Variants in TINAGL1 observed in about 807,000 individuals in gnomAD.
TINAGL1 encodes the protein tubulointerstitial nephritis antigen like 1, also known as tubulointerstitial nephritis antigen-like.
A neutral mutation model predicts 62.0 loss-of-function variants in TINAGL1; 34 were observed. The observed-to-expected ratio is 0.55, with a 90% CI of 0.42 to 0.73. The LOEUF is 0.73. Ranked by LOEUF, TINAGL1 falls within the 30% of genes least tolerant of loss-of-function variation. The probability of loss-of-function intolerance (pLI) is 0.00; values close to 1 mark genes in which losing one functional copy is unlikely to be tolerated. For missense variants in TINAGL1, 516 were observed against 653.2 expected, an observed-to-expected ratio of 0.79 and a Z score of 2.29; for synonymous variants, 221 against 249.7, an observed-to-expected ratio of 0.88 and a Z score of 1.08.
chr1:31,585,720 C>T lies in TINAGL1; in HGVS notation c.1094-33C>T. On this transcript the variant is annotated intron_variant, in intron 9 of 11. Transcript: ENST00000271064. The surrounding 1 kb of genome is among the most constrained non-coding windows in gnomAD (Gnocchi z 4.3). ...AGGCTCCAGTGCCTGTGCCAACGGG[C>T]TGAGTGGACCCTACCTTGACATCTG... 1 of 1,602,482 alleles carries T rather than the reference C, an allele frequency of 6.2e-7. No individual in the cohort carries two copies. The highest frequency in any genetic ancestry group is 8.5e-7 in the Non-Finnish European group (1 of 1,174,088).
rs150145316 is a variant in TINAGL1, at chr1:31,577,430, C to T, written c.282C>T (p.Gly94=). Residue 94 remains glycine, a synonymous_variant, in exon 2 of 12, where the codon GGC becomes GGT. Coordinates refer to ENST00000271064, the MANE Select transcript of TINAGL1 (RefSeq NM_022164.3). The surrounding 1 kb of genome is among the most constrained non-coding windows in gnomAD (Gnocchi z 5.4). The stretch of plus-strand genomic sequence containing the variant: ...CTGACTTCTGGGACTTCTGCCTCGG[C>T]GTGCCACCCCCTTTTCCCCCGATCC... ...CCPDFWDFCL[G]VPPPFPPIQG... 1.4e-5 allele frequency: 22 copies of T among 1,612,734 alleles called. No individual in the cohort carries two copies. Among genetic ancestry groups the T allele is most frequent in the South Asian group, 9.9e-5 (9 of 90,960 alleles).
rs1638967509 is a variant in TINAGL1, at chr1:31,576,750, C to T, written c.-16+155C>T. On this transcript the variant is annotated intron_variant, in intron 1 of 11. Transcript: ENST00000271064. The surrounding 1 kb of genome is among the most constrained non-coding windows in gnomAD (Gnocchi z 5.1). ...CAGAAGAGAGGTGTACCCAAAAGAC[C>T]GGGGGAGACAGGAAAGCACAAAGTC... Among the ~76,000 whole-genome samples the T allele has an allele frequency of 1.3e-5, 2 of 152,062 alleles. No homozygotes were observed. Among genetic ancestry groups the T allele is most frequent in the South Asian group, 2.1e-4 (1 of 4,830 alleles).
chr1:31,585,605 G>A lies in TINAGL1; in HGVS notation c.1093+120G>A. ...ATGTCCAGTAGGGCCAGGAGTAGGG[G>A]TCCCCCCCTCCCACAGGCAGCACCT... On this transcript the variant is annotated intron_variant, in intron 9 of 11. Coordinates refer to ENST00000271064, the MANE Select transcript of TINAGL1 (RefSeq NM_022164.3). The surrounding 1 kb of genome is among the most constrained non-coding windows in gnomAD (Gnocchi z 4.3). 4 of 1,539,008 alleles carry A rather than the reference G, an allele frequency of 2.6e-6. No homozygotes were observed. In the South Asian group the frequency reaches 3.7e-5, roughly 14 times the overall value.
Position 31,587,214 on chromosome 1 carries a change from G to C in TINAGL1, c.*235G>C, listed in dbSNP as rs1639422478. 1 of 492,788 alleles carries C rather than the reference G, an allele frequency of 2.0e-6. No individual in the cohort carries two copies. Among genetic ancestry groups the C allele is most frequent in the Non-Finnish European group, 3.1e-6 (1 of 317,790 alleles). The allele number at this position is 492,788 out of a possible 1,614,324, so 30.5% of individuals were successfully genotyped here. ...GTGGGGACGGGGCAGGGCCTGGCCT[G>C]GGAAGAGCACAGCTGCAGATCCCAG... is the stretch of plus-strand genomic sequence containing the variant. On this transcript the variant is annotated 3_prime_UTR_variant, in exon 12 of 12. Transcript: ENST00000271064.
In TINAGL1 at chr1:31,586,710, A is replaced by T; in HGVS notation, c.1218A>T (p.Gly406=). 1.3e-6 allele frequency: 2 copies of T among 1,558,298 alleles called. No homozygotes were observed. Among genetic ancestry groups the T allele is most frequent in the Non-Finnish European group, 1.7e-6 (2 of 1,150,672 alleles). The stretch of plus-strand genomic sequence containing the variant: ...TCCCCCTCCTCTGCTCTGCCCACAG[A>T]TGGGGAGAGGAGACGCTGCCAGATG... ...RHGTHSVKIT[G]WGEETLPDGR... The change falls in exon 11 of 12, where the codon GGA becomes GGT. Residue 406 remains glycine, a splice_region_variant and synonymous_variant. Transcript: ENST00000271064.
At position 31,586,697 on chromosome 1, in the gene TINAGL1, G is replaced by T; in HGVS notation, c.1218-13G>T. On this transcript the variant is annotated splice_polypyrimidine_tract_variant and intron_variant, in intron 10 of 11. Transcript: ENST00000271064. ...GACCCAGCTCCCTTCCCCCTCCTCT[G>T]CTCTGCCCACAGATGGGGAGAGGAG... The T allele has an allele frequency of 6.4e-7, 1 of 1,557,614 alleles. No individual in the cohort carries two copies.
rs1553149083 is a variant in TINAGL1, at chr1:31,580,203, C to CTCTG, written c.374+939_374+940insGTCT. On this transcript the variant is annotated intron_variant, in intron 3 of 11. Transcript: ENST00000271064. ...TCTCTCTCTCTCTCTCTCTCTCTCT[C>CTCTG]TCTCTCTCTGTCTCTCTCTCTCTGT... is the stretch of plus-strand genomic sequence containing the variant. 1.8e-3 allele frequency: 772 copies of CTCTG among 434,166 alleles called. 6 individuals carry two copies. Among genetic ancestry groups the CTCTG allele is most frequent in the Admixed American group, 0.016 (173 of 10,724 alleles). The allele number at this position is 434,166 out of a possible 1,614,324, so 26.9% of individuals were successfully genotyped here. A position where few individuals can be genotyped will look rare whatever the true frequency, so the allele number is the denominator to read the frequency against.
chr1:31,583,452 C>G lies in TINAGL1; in HGVS notation c.468-9C>G. ...GATCTGTGACTTCCTTCCGTCCCCT[C>G]TCCTTCAGCTGGCAGGCTGGGAACC... On this transcript the variant is annotated splice_polypyrimidine_tract_variant and intron_variant, in intron 4 of 11. Transcript: ENST00000271064. The surrounding 1 kb of genome is among the most constrained non-coding windows in gnomAD (Gnocchi z 4.4). The G allele has an allele frequency of 6.2e-7, 1 of 1,612,340 alleles. No homozygotes were observed. Among genetic ancestry groups the G allele is most frequent in the East Asian group, 2.2e-5 (1 of 44,840 alleles).
intron 10 of TINAGL1, 170 bp downstream of exon 10, chr1:31,586,046 T>C (rs1204511570): frequency 2.1e-6 from 2 of 974,970 alleles, no homozygotes; most frequent in Non-Finnish European, 1.4e-6. Context: ...TGGGTCGAAT[T>C]GAAGGTTGGG....
intron 3 of TINAGL1, chr1:31,580,721 G>A (rs1263854083): frequency 2.4e-6 from 3 of 1,264,630 alleles, no homozygotes; most frequent in Non-Finnish European, 3.1e-6. Flanking sequence ...TCAGCATCTT[G>A]TAATAACAGA....
Position 31,583,076 on chromosome 1 carries a change from C to T in TINAGL1, c.375-73C>T, listed in dbSNP as rs2148592654. ...GCACAGACTCCCTGGCCCATGTTAA[C>T]CTCCGAGGCCACATTCCTTCAAAGT... On this transcript the variant is annotated intron_variant, in intron 3 of 11. Transcript: ENST00000271064. This position sits in a 1 kb window ranked among gnomAD's most constrained non-coding sequence, Gnocchi z 4.4. 2.9e-6 allele frequency: 4 copies of T among 1,377,416 alleles called. No homozygotes were observed. Among genetic ancestry groups the T allele is most frequent in the Non-Finnish European group, 4.1e-6 (4 of 965,454 alleles). 85.3% of individuals were successfully genotyped at this position (1,377,416 alleles called of 1,614,324 possible).
Position 31,580,401 on chromosome 1 carries a change from T to C in TINAGL1, c.374+1134T>C, listed in dbSNP as rs1487475755. On this transcript the variant is annotated intron_variant, in intron 3 of 11. Coordinates refer to ENST00000271064, the MANE Select transcript of TINAGL1 (RefSeq NM_022164.3). ...AAGGACAGAACAGTCTACTGCCCTC[T>C]CCTCATGAAGGCTCTGGGGGCGAGG... The C allele has an allele frequency of 3.9e-6, 5 of 1,289,056 alleles. No individual in the cohort carries two copies. In the South Asian group the frequency reaches 6.2e-5, roughly 16 times the overall value. The allele number at this position is 1,289,056 out of a possible 1,614,324, so 79.9% of individuals were successfully genotyped here.
At chr1:31,580,680 G>A in intron 3 of TINAGL1, 1 of 1,287,664 alleles carries the variant, frequency 7.8e-7, no homozygotes, top group East Asian at 5.6e-5. Context: ...CATTGGAGGT[G>A]GGAGCCTTGG....
rs139194799 is a variant in TINAGL1 at position 31,585,026 on chromosome 1, C to T, written c.847C>T (p.Arg283Cys). ...GRLDGAWWFL[R>C]RRGVVSDHCY... ...TCTCGATGGTGCCTGGTGGTTCCTGCGTCGCCGAGGGTATGCAGCAACAGG... is the reference window on the plus strand; with the variant it reads ...TCTCGATGGTGCCTGGTGGTTCCTGTGTCGCCGAGGGTATGCAGCAACAGG... The change falls in exon 7 of 12, where the codon CGT (arginine) becomes TGT (cysteine). Residue 283 changes from arginine to cysteine, a missense_variant. Transcript: ENST00000271064. This position sits in a 1 kb window ranked among gnomAD's most constrained non-coding sequence, Gnocchi z 4.3. The T allele has an allele frequency of 5.6e-6, 9 of 1,598,646 alleles. No individual in the cohort carries two copies. Among genetic ancestry groups the T allele is most frequent in the Admixed American group, 3.4e-5 (2 of 58,646 alleles).
In TINAGL1 at chr1:31,584,430, T is replaced by C; in HGVS notation, c.583-248T>C. ...TGTGCCTGGCCTCAGCTGCCTCATC[T>C]GGGAAGCAGGACTAGTCACCACCGC... On this transcript the variant is annotated intron_variant, in intron 5 of 11. Coordinates refer to ENST00000271064, the MANE Select transcript of TINAGL1 (RefSeq NM_022164.3). The surrounding 1 kb of genome is among the most constrained non-coding windows in gnomAD (Gnocchi z 4.0). 5.7e-6 allele frequency: 3 copies of C among 528,724 alleles called. No individual in the cohort carries two copies. Among genetic ancestry groups the C allele is most frequent in the Non-Finnish European group, 1.0e-5 (3 of 291,578 alleles). The allele number at this position is 528,724 out of a possible 1,614,324, so 32.8% of individuals were successfully genotyped here.
intron 3 of TINAGL1, among the ~76,000 whole-genome samples, chr1:31,579,574 T>C (rs1264594967): frequency 6.6e-6 from 1 of 151,852 alleles, no homozygotes; most frequent in Non-Finnish European, 1.5e-5. Flanking sequence ...CTGCTGTCAC[T>C]GCAGAGTCAG....
At position 31,583,612 on chromosome 1, in the gene TINAGL1, C is replaced by A; in HGVS notation, c.582+37C>A. 2 of 1,549,540 alleles carry A rather than the reference C, an allele frequency of 1.3e-6. No individual in the cohort carries two copies. Among genetic ancestry groups the A allele is most frequent in the African/African-American group, 1.4e-5 (1 of 73,774 alleles). On this transcript the variant is annotated intron_variant, in intron 5 of 11. Coordinates refer to ENST00000271064, the MANE Select transcript of TINAGL1 (RefSeq NM_022164.3). The surrounding 1 kb of genome is among the most constrained non-coding windows in gnomAD (Gnocchi z 4.4). Reference sequence around the variant, plus strand: ...CTTCCCCACAATGCTGCCATCTCCCCATGGCTCAGAACCTCAGGGATGCTG... The same window carrying A: ...CTTCCCCACAATGCTGCCATCTCCCAATGGCTCAGAACCTCAGGGATGCTG...
In TINAGL1 at chr1:31,586,722, G is replaced by A; in HGVS notation, c.1230G>A (p.Glu410=). The A allele has an allele frequency of 1.3e-6, 2 of 1,557,616 alleles. No individual in the cohort carries two copies. The highest frequency in any genetic ancestry group is 8.7e-7 in the Non-Finnish European group (1 of 1,150,298). The stretch of plus-strand genomic sequence containing the variant: ...GCTCTGCCCACAGATGGGGAGAGGA[G>A]ACGCTGCCAGATGGAAGGACGCTCA... ...HSVKITGWGE[E]TLPDGRTLKY... The change falls in exon 11 of 12, where the codon GAG becomes GAA. Residue 410 remains glutamate (E), a synonymous_variant. Coordinates refer to ENST00000271064, the MANE Select transcript of TINAGL1 (RefSeq NM_022164.3).
rs777076838 is a variant in TINAGL1, at chr1:31,586,935, G to A, written c.1360G>A (p.Gly454Ser). 1 of 1,535,570 alleles carries A rather than the reference G, an allele frequency of 6.5e-7. No homozygotes were observed. ...GTGCGACATCGAGAGCTTCGTGCTG[G>A]GCGTCTGGGGCCGCGTGGGCATGGA... ...NECDIESFVL[G>S]VWGRVGMEDM... Residue 454 changes from glycine (G) to serine (S), a missense_variant, in exon 12 of 12, where the codon GGC becomes AGC. Coordinates refer to ENST00000271064, the MANE Select transcript of TINAGL1 (RefSeq NM_022164.3).
Sources: gnomAD v4.1 joint callset for allele counts (sites outside exome capture counted in the v4.1 genomes callset) on GRCh38, gnomAD v4.1.1 for gene constraint, Gnocchi (gnomAD v3.1) non-coding constraint, MANE v1.5 for transcripts, NCBI Gene and HGNC (gene_info 2026-07-23, HGNC 2026-07-21) for gene names.